The following AXL variants were observed in gnomAD, a reference collection of about 807,000 sequenced individuals.
AXL encodes AXL receptor tyrosine kinase.
AXL carries 52 observed loss-of-function variants against 104.5 expected under a neutral mutation model. That is an observed-to-expected ratio of 0.50 (90% CI 0.40 to 0.63). The LOEUF (loss-of-function observed/expected upper bound fraction) is 0.63, where lower values mean the gene tolerates loss of function less well. Among genes scored for constraint, AXL ranks in the 20% least tolerant of loss-of-function variants. The pLI is 0.00. For missense variants in AXL, 1,024 were observed against 1,188.5 expected, an observed-to-expected ratio of 0.86 and a Z score of 2.04; for synonymous variants, 455 against 473.7, an observed-to-expected ratio of 0.96 and a Z score of 0.51.
intron 4 of AXL, among the ~76,000 whole-genome samples, chr19:41,227,404 C>T (rs2033900618): frequency 6.6e-6 from 1 of 151,842 alleles, no homozygotes; most frequent in South Asian, 2.1e-4. Context: ...GGAGAATTTT[C>T]ACCTTTTCAC....
At position 41,253,682 on chromosome 19, in the gene AXL, C is replaced by T. The variant is rs780742365; in HGVS notation, c.2010C>T (p.His670=). 1 of 1,613,620 alleles carries T rather than the reference C, an allele frequency of 6.2e-7. No individual in the cohort carries two copies. Among genetic ancestry groups the T allele is most frequent in the Non-Finnish European group, 8.5e-7 (1 of 1,179,866 alleles). The change falls in exon 17 of 20, where the codon CAC becomes CAT. Residue 670 remains histidine (H), a synonymous_variant. Coordinates refer to ENST00000301178, the MANE Select transcript of AXL (RefSeq NM_021913.5). ...ATCTGAGTACCAAGAGATTCATACA[C>T]CGGGACCTGGCGGCCAGGAACTGCA... ...MEYLSTKRFI[H]RDLAARNCML...
In AXL at chr19:41,224,788, C is replaced by CTGTG. The variant is rs56885806; in HGVS notation, c.586+2750_586+2753dup. On this transcript the variant is annotated intron_variant, in intron 4 of 19. Transcript: ENST00000301178. Reference sequence around the variant, plus strand: ...TTGGTGTATGACTGTAGTCACAGACCTGTGTGTGTGTGTGTGTGTGTAACA... The same window carrying CTGTG: ...TTGGTGTATGACTGTAGTCACAGACCTGTGTGTGTGTGTGTGTGTGTGTGTAACA... Among the ~76,000 whole-genome samples, 851 of 150,028 alleles carry CTGTG rather than the reference C, an allele frequency of 5.7e-3. 8 individuals carry two copies. Among genetic ancestry groups the CTGTG allele is most frequent in the African/African-American group, 0.017 (706 of 40,956 alleles).
intron 6 of AXL, among the ~76,000 whole-genome samples, chr19:41,234,472 T>C (rs959548066): frequency 3.3e-5 from 5 of 151,610 alleles, no homozygotes; most frequent in Non-Finnish European, 7.4e-5. Flanking sequence ...AATTAAAAAA[T>C]TAGGTGGGGC....
intron 4 of AXL, among the ~76,000 whole-genome samples, chr19:41,230,375 G>A (rs1464154506): frequency 2.6e-5 from 4 of 151,536 alleles, no homozygotes; most frequent in African/African-American, 4.9e-5. Context: ...GAGCATATGT[G>A]TCTATGTGTG....
chr19:41,254,456 G>T (rs184981751), intron 17 of AXL, among the ~76,000 whole-genome samples: 1 of 151,402 alleles, frequency 6.6e-6, no homozygotes, highest in African/African-American at 2.4e-5. Context: ...CATTCCCAAG[G>T]CTTAGGTGAG....
chr19:41,243,078 C>A, intron 11 of AXL, 63 bp downstream of exon 11: 1 of 1,607,018 alleles, frequency 6.2e-7, no homozygotes. Flanking sequence ...GGCAGGGAGG[C>A]CAGTGAGGAG....
At chr19:41,222,193 C>A (rs2033803479) in intron 4 of AXL, 137 bp downstream of exon 4, 14 of 1,002,222 alleles carry the variant, frequency 1.4e-5, no homozygotes, top group Non-Finnish European at 2.0e-5. Flanking sequence ...TCGTTTCTCC[C>A]TCTGAGTCTG....
chr19:41,238,561 T>C lies in AXL; in HGVS notation c.1086T>C (p.Gly362=). The C allele has an allele frequency of 6.2e-7, 1 of 1,612,930 alleles. No homozygotes were observed. Among genetic ancestry groups the C allele is most frequent in the Non-Finnish European group, 8.5e-7 (1 of 1,179,626 alleles). Residue 362 remains glycine, a synonymous_variant, in exon 8 of 20, where the codon GGT becomes GGC. Coordinates refer to ENST00000301178, the MANE Select transcript of AXL (RefSeq NM_021913.5). The part of the protein sequence containing the change: ...HWQEPRAPLQ[G]TLLGYRLAYQ... ...AAGAGCCCCGGGCGCCCCTGCAGGG[T>C]ACCCTGTTAGGGTACCGGCTGGCGT...
rs1338596207 is a variant in AXL, at chr19:41,252,364, G to C, written c.1725G>C (p.Thr575=). 1.9e-6 allele frequency: 3 copies of C among 1,613,500 alleles called. No homozygotes were observed. In the African/African-American group the frequency reaches 4.0e-5, roughly 22 times the overall value. Residue 575 remains threonine, a synonymous_variant, in exon 15 of 20, where the codon ACG becomes ACC. Transcript: ENST00000301178. Reference sequence around the variant, plus strand: ...CTCTCCCTCAAGTTGCCATCTGCACGAGGTCAGAGCTGGAGGATTTCCTGA... The same window carrying C: ...CTCTCCCTCAAGTTGCCATCTGCACCAGGTCAGAGCTGGAGGATTTCCTGA... ...AVKTMKIAIC[T]RSELEDFLSE...
At chr19:41,230,061 G>T (rs373876602) in intron 4 of AXL, among the ~76,000 whole-genome samples, 1 of 152,054 alleles carries the variant, frequency 6.6e-6, no homozygotes. Context: ...GTATTTCTGT[G>T]TGTGTCTATA....
chr19:41,224,787 C>CGT (rs1396935689), intron 4 of AXL, among the ~76,000 whole-genome samples: 2 of 141,008 alleles, frequency 1.4e-5, no homozygotes, highest in South Asian at 5.4e-4. Context: ...TAGTCACAGA[C>CGT]CTGTGTGTGT....
chr19:41,235,947 A>C (rs1418478766), intron 6 of AXL, among the ~76,000 whole-genome samples: 1 of 152,140 alleles, frequency 6.6e-6, no homozygotes, highest in Non-Finnish European at 1.5e-5. Flanking sequence ...CTGTAATCCC[A>C]GCACTTTGGG....
intron 6 of AXL, among the ~76,000 whole-genome samples, chr19:41,235,374 ATAGATAGATAG>A (rs1568411976): frequency 0.027 from 3,598 of 134,456 alleles, 154 homozygotes; most frequent in African/African-American, 0.09. Context: ...AAATAAATAG[ATAGATAGATAG>A]ATAGATAGAT....
intron 12 of AXL, among the ~76,000 whole-genome samples, chr19:41,246,203 T>G (rs922995275): frequency 6.6e-6 from 1 of 152,068 alleles, no homozygotes; most frequent in Non-Finnish European, 1.5e-5. Flanking sequence ...ATCCCACCAC[T>G]TTGGGAGGCC....
chr19:41,259,043 C>T (rs996079790), intron 19 of AXL, among the ~76,000 whole-genome samples: 9 of 152,098 alleles, frequency 5.9e-5, no homozygotes, highest in African/African-American at 2.2e-4. Flanking sequence ...CATGGCAACC[C>T]AGGAGAAAGT....
chr19:41,232,604 C>G (rs1418853733), intron 6 of AXL, among the ~76,000 whole-genome samples: 1 of 150,242 alleles, frequency 6.7e-6, no homozygotes, highest in Non-Finnish European at 1.5e-5. Context: ...GCTTGGGTAA[C>G]ACGAGCGAAC....
rs769592072 is a variant in AXL at position 41,243,593 on chromosome 19, C to T, written c.1446-23C>T. The T allele has an allele frequency of 1.1e-5, 17 of 1,598,088 alleles. No homozygotes were observed. The African/African-American group carries it at 2.1e-4, about 20-fold the overall frequency. ...GTTCCACATGGTTTTTCCCTGCCCTCACCTACTCCCCCTCCCCCCCAGAGA... is the reference window on the plus strand; with the variant it reads ...GTTCCACATGGTTTTTCCCTGCCCTTACCTACTCCCCCTCCCCCCCAGAGA... On this transcript the variant is annotated intron_variant, in intron 11 of 19. Coordinates refer to ENST00000301178, the MANE Select transcript of AXL (RefSeq NM_021913.5).
Position 41,242,938 on chromosome 19 carries a change from A to G in AXL, c.1368A>G (p.Gly456=). The G allele has an allele frequency of 1.9e-6, 3 of 1,614,096 alleles. No homozygotes were observed. The highest frequency in any genetic ancestry group is 2.5e-6 in the Non-Finnish European group (3 of 1,180,016). ...FSWPWWYVLL[G]AVVAAACVLI... The stretch of plus-strand genomic sequence containing the variant: ...GGCCCTGGTGGTATGTACTGCTAGG[A>G]GCAGTCGTGGCCGCTGCCTGTGTCC... The change falls in exon 11 of 20, where the codon GGA becomes GGG. Residue 456 remains glycine (G), a synonymous_variant. Coordinates refer to ENST00000301178, the MANE Select transcript of AXL (RefSeq NM_021913.5).
chr19:41,231,950 A>AAAC (rs2033997901), intron 6 of AXL, among the ~76,000 whole-genome samples: 3 of 118,204 alleles, frequency 2.5e-5, no homozygotes, highest in African/African-American at 8.5e-5. Context: ...AAACAACAAC[A>AAAC]AAAAAAATTT....
Sources: gnomAD v4.1 joint callset for allele counts (sites outside exome capture counted in the v4.1 genomes callset) on GRCh38, gnomAD v4.1.1 for gene constraint, MANE v1.5 for transcripts, NCBI Gene and HGNC (gene_info 2026-07-23, HGNC 2026-07-21) for gene names.